The following IGF2R variants were observed in gnomAD, a reference collection of about 807,000 sequenced individuals.
The protein encoded by IGF2R is cation-independent mannose-6-phosphate receptor.
Under a neutral mutation model 270.6 loss-of-function variants are expected in IGF2R, and 91 were observed. The observed-to-expected ratio is 0.34, with a 90% CI of 0.28 to 0.40. IGF2R has a LOEUF of 0.40. Among genes scored for constraint, IGF2R ranks in the 10% least tolerant of loss-of-function variants. IGF2R has a pLI of 1.00. For synonymous variants in IGF2R, 1,316 were observed against 1,258.9 expected (o/e 1.05, Z -0.96); for missense variants, 2,805 against 3,188.3 (o/e 0.88, Z 2.90).
At chr6:160,095,657 G>T (rs1300486766) in intron 44 of IGF2R, 1 of 152,248 alleles carries the variant, frequency 6.6e-6, no homozygotes, top group Non-Finnish European at 1.5e-5. Context: ...ACCTAAGGTG[G>T]CATTCCAAGT....
At chr6:160,048,134 T>C (rs1337662528) in intron 17 of IGF2R, among the ~76,000 whole-genome samples, 1 of 152,206 alleles carries the variant, frequency 6.6e-6, no homozygotes, top group East Asian at 1.9e-4. Context: ...AGCTTCATCA[T>C]TTAAAACAAT....
At chr6:160,056,708 GGGATAAGAACCA>G (rs1778325195) in intron 20 of IGF2R, among the ~76,000 whole-genome samples, 183 bp downstream of exon 20, 1 of 152,166 alleles carries the variant, frequency 6.6e-6, no homozygotes, top group African/African-American at 2.4e-5. Flanking sequence ...CCCAGCTCCT[GGGATAAGAACCA>G]GGTCCCTCAG....
chr6:160,003,016 G>A (rs1198623470), intron 2 of IGF2R, among the ~76,000 whole-genome samples: 1 of 152,186 alleles, frequency 6.6e-6, no homozygotes, highest in African/African-American at 2.4e-5. Flanking sequence ...TGTTAATTGA[G>A]GTTACCTCTG....
intron 19 of IGF2R, among the ~76,000 whole-genome samples, chr6:160,053,906 G>A (rs1335773385): frequency 6.6e-6 from 1 of 152,110 alleles, no homozygotes; most frequent in East Asian, 1.9e-4. Flanking sequence ...TGAAGAGATG[G>A]GGGGTCTGTC....
chr6:160,025,219 T>C (rs1041531600), intron 5 of IGF2R, among the ~76,000 whole-genome samples: 1 of 152,214 alleles, frequency 6.6e-6, no homozygotes, highest in African/African-American at 2.4e-5. Context: ...TAAATGGTCT[T>C]TATCTAAAAA....
At chr6:160,033,179 C>A in intron 9 of IGF2R, 72 bp downstream of exon 9, 1 of 1,088,782 alleles carries the variant, frequency 9.2e-7, no homozygotes. Flanking sequence ...CTCTGGCGCC[C>A]AGGCTAGACT....
chr6:160,061,870 A>G lies in IGF2R; in HGVS notation c.3524A>G (p.Asp1175Gly), dbSNP rs1268651654. The stretch of plus-strand genomic sequence containing the variant: ...TTGAGCATCATGTATGTCAACGGTG[A>G]CAAGTGTGGGAACCAGCGCTTCTCC... ...GSLSIMYVNG[D>G]KCGNQRFSTR... is the part of the protein sequence containing the mutation. Residue 1175 changes from aspartate to glycine, a missense_variant, in exon 25 of 48, where the codon GAC (aspartate) becomes GGC (glycine). Physicochemically the swap from Asp to Gly is moderately conservative, Grantham distance 94. Transcript: ENST00000356956. 5 of 1,614,064 alleles carry G rather than the reference A, an allele frequency of 3.1e-6. No homozygotes were observed. In the African/African-American group the frequency reaches 6.7e-5, roughly 22 times the overall value.
chr6:160,070,210 G>A (rs1045835994), intron 31 of IGF2R, 152 bp downstream of exon 31: 42 of 734,276 alleles, frequency 5.7e-5, no homozygotes, highest in African/African-American at 3.9e-4. Context: ...GAACAGCGTC[G>A]CCGCGGCCTG....
At chr6:160,032,488 A>C in intron 7 of IGF2R, 63 bp from the exon 8 acceptor site, 1 of 1,478,288 alleles carries the variant, frequency 6.8e-7, no homozygotes, top group South Asian at 1.2e-5. Context: ...ATAAGTGTGG[A>C]AAATCTGCAT....
chr6:160,076,075 C>A, intron 36 of IGF2R, 79 bp downstream of exon 36: 3 of 1,357,716 alleles, frequency 2.2e-6, no homozygotes, highest in South Asian at 2.4e-5. Context: ...AAGTGCGTGT[C>A]AGGTCCAAGG....
chr6:159,994,746 G>A (rs1357699311), intron 2 of IGF2R, among the ~76,000 whole-genome samples: 1 of 152,162 alleles, frequency 6.6e-6, no homozygotes, highest in Non-Finnish European at 1.5e-5. Flanking sequence ...TATTTGTGTA[G>A]TTTTGAGAGT....
chr6:160,017,593 A>C (rs1258343393), intron 4 of IGF2R, among the ~76,000 whole-genome samples: 1 of 152,164 alleles, frequency 6.6e-6, no homozygotes, highest in Admixed American at 6.5e-5. Context: ...TGAAGGAAAA[A>C]ATCCTATCCA....
At position 160,104,827 on chromosome 6, in the gene IGF2R, C is replaced by G. The variant is rs1779576454; in HGVS notation, c.7219C>G (p.Gln2407Glu). The G allele has an allele frequency of 2.5e-6, 4 of 1,614,016 alleles. No homozygotes were observed. Among genetic ancestry groups the G allele is most frequent in the African/African-American group, 1.3e-5 (1 of 74,888 alleles). The part of the protein sequence containing the change: ...KALSSLHGDD[Q>E]DSEDEVLTIP... Reference sequence around the variant, plus strand: ...CCTCAGCTCCCTGCATGGGGATGACCAGGACAGTGAGGATGAGGTTCTGAC... The same window carrying G: ...CCTCAGCTCCCTGCATGGGGATGACGAGGACAGTGAGGATGAGGTTCTGAC... The change falls in exon 48 of 48, where the codon CAG becomes GAG. Residue 2407 changes from glutamine (Q) to glutamate (E), a missense_variant. Physicochemically the swap from Gln to Glu is conservative, Grantham distance 29. Around this residue, in one of 2 missense-constraint regions of IGF2R, gnomAD observed 1,851 missense variants for 2,207.2 expected, o/e 0.84. Coordinates refer to ENST00000356956, the MANE Select transcript of IGF2R (RefSeq NM_000876.4).
At position 160,101,447 on chromosome 6, in the gene IGF2R, G is replaced by A. The variant is rs142487964; in HGVS notation, c.6843-1072G>A. On this transcript the variant is annotated intron_variant, in intron 45 of 47. Transcript: ENST00000356956. ...CTTGCAGGCCCACCTAGAACTGGAC[G>A]CCAGGCTGTCCCTGTGGTTTCTTGT... is the stretch of plus-strand genomic sequence containing the variant. 5.6e-3 allele frequency among the ~76,000 whole-genome samples: 854 copies of A among 152,262 alleles called. 3 individuals carry two copies. The highest frequency in any genetic ancestry group is 8.8e-3 in the Non-Finnish European group (600 of 68,014).
intron 8 of IGF2R, 88 bp downstream of exon 8, chr6:160,032,801 T>A: frequency 2.7e-6 from 4 of 1,460,950 alleles, no homozygotes; most frequent in Non-Finnish European, 9.4e-7. Context: ...AGTCAGTCCA[T>A]GCATGCTTCT....
Position 160,056,414 on chromosome 6 carries a change from G to T in IGF2R, c.2695-10G>T, listed in dbSNP as rs540855409. The T allele has an allele frequency of 6.3e-7, 1 of 1,586,078 alleles. No individual in the cohort carries two copies. The highest frequency in any genetic ancestry group is 1.3e-5 in the African/African-American group (1 of 74,422). ...CTGTATTGACTTTTACCCTGGATTT[G>T]CCCATTCAGAACAGCCACCCCATCT... On this transcript the variant is annotated splice_polypyrimidine_tract_variant and intron_variant, in intron 19 of 47. Coordinates refer to ENST00000356956, the MANE Select transcript of IGF2R (RefSeq NM_000876.4).
chr6:160,103,090 G>C (rs575704570), intron 46 of IGF2R, among the ~76,000 whole-genome samples: 1 of 152,212 alleles, frequency 6.6e-6, no homozygotes, highest in Non-Finnish European at 1.5e-5. Context: ...TGGGTGAAAG[G>C]ACTCTCCATG....
At chr6:160,020,124 A>G (rs193051241) in intron 4 of IGF2R, among the ~76,000 whole-genome samples, 42 of 152,250 alleles carry the variant, frequency 2.8e-4, no homozygotes, top group Admixed American at 7.2e-4. Flanking sequence ...ATACAGAGTC[A>G]TTGTACAAGA....
chr6:159,984,843 A>AT (rs1426499316), intron 1 of IGF2R, among the ~76,000 whole-genome samples: 2 of 152,206 alleles, frequency 1.3e-5, no homozygotes, highest in Non-Finnish European at 1.5e-5. Context: ...ATATGAAGAT[A>AT]TTTTGAGAGA....
Sources: allele counts gnomAD v4.1 joint callset (sites outside exome capture counted in the v4.1 genomes callset), GRCh38; gene constraint gnomAD v4.1.1; regional missense constraint gnomAD v4.1.1; transcripts MANE v1.5; gene names NCBI Gene and HGNC (gene_info 2026-07-23, HGNC 2026-07-21).